The following USP33 variants were observed in gnomAD, a reference collection of about 807,000 sequenced individuals.
USP33 encodes the protein ubiquitin specific peptidase 33, also known as ubiquitin carboxyl-terminal hydrolase 33.
USP33 carries 46 observed loss-of-function variants against 124.2 expected under a neutral mutation model. That is an observed-to-expected ratio of 0.37 (90% CI 0.29 to 0.47). The LOEUF is 0.47. USP33 is among the 20% of genes least tolerant of loss of function. USP33 has a pLI of 0.99. For synonymous variants in USP33, 350 were observed against 352.3 expected, an observed-to-expected ratio of 0.99 and a Z score of 0.07; for missense variants, 851 against 1,070.6, an observed-to-expected ratio of 0.79 and a Z score of 2.86.
intron 1 of USP33, among the ~76,000 whole-genome samples, chr1:77,759,115 C>T (rs1159610836): frequency 6.6e-6 from 1 of 152,120 alleles, no homozygotes; most frequent in East Asian, 1.9e-4. Flanking sequence ...AAGGGGTAAC[C>T]TCTCAGTCAA....
At chr1:77,750,869 A>G (rs556133240) in intron 1 of USP33, among the ~76,000 whole-genome samples, 1 of 152,234 alleles carries the variant, frequency 6.6e-6, no homozygotes, top group South Asian at 2.1e-4. Flanking sequence ...ACAAATGTTT[A>G]TTGAGGGTAG....
intron 1 of USP33, among the ~76,000 whole-genome samples, chr1:77,757,714 A>G (rs998695983): frequency 6.6e-6 from 1 of 152,248 alleles, no homozygotes; most frequent in Non-Finnish European, 1.5e-5. Context: ...TCCAATCTTA[A>G]TCTATCTGAA....
chr1:77,706,748 A>G (rs140154943), intron 21 of USP33, among the ~76,000 whole-genome samples: 120 of 152,320 alleles, frequency 7.9e-4, no homozygotes, highest in Non-Finnish European at 1.4e-3. Flanking sequence ...TACACGATGT[A>G]GTATATGCTC....
chr1:77,725,760 A>G lies in USP33; in HGVS notation c.1138T>C (p.Tyr380His). Reference protein sequence around the residue: ...KVQIHSRASEYITDVHSNDLS... With the variant: ...KVQIHSRASEHITDVHSNDLS... ...TCATTCGAATGGACATCAGTGATAT[A>G]TTCTGTAAGATTTAAAATTTGCATT... The change falls in exon 11 of 24, where the codon TAT becomes CAT. Residue 380 changes from tyrosine (Y) to histidine (H), a missense_variant and splice_region_variant. By Grantham distance (83) the Tyr-to-His change is moderately conservative (BLOSUM62 2). Transcript: ENST00000370794. The G allele has an allele frequency of 6.2e-7, 1 of 1,605,760 alleles. No homozygotes were observed. The highest frequency in any genetic ancestry group is 8.5e-7 in the Non-Finnish European group (1 of 1,176,680).
chr1:77,729,252 G>A (rs1006025282), intron 9 of USP33, among the ~76,000 whole-genome samples: 1 of 151,846 alleles, frequency 6.6e-6, no homozygotes, highest in African/African-American at 2.4e-5. Flanking sequence ...ATCAACTTCC[G>A]CTGGATGCAG....
chr1:77,702,527 T>G (rs1440015214), intron 21 of USP33, among the ~76,000 whole-genome samples: 2 of 152,162 alleles, frequency 1.3e-5, no homozygotes, highest in Non-Finnish European at 2.9e-5. Context: ...TAAATTCTAA[T>G]AAGTGGTGGG....
chr1:77,735,081 C>T (rs1678281189), intron 6 of USP33, among the ~76,000 whole-genome samples: 1 of 151,790 alleles, frequency 6.6e-6, no homozygotes, highest in Non-Finnish European at 1.5e-5. Flanking sequence ...CGAGATTGCA[C>T]CACTGCACTC....
At chr1:77,743,913 G>A (rs906724803) in intron 1 of USP33, among the ~76,000 whole-genome samples, 12 of 152,024 alleles carry the variant, frequency 7.9e-5, no homozygotes, top group Admixed American at 7.9e-4. Context: ...GACGGATCAC[G>A]AGGTCAGGAG....
chr1:77,750,628 G>GAAACAAAC (rs202159259), intron 1 of USP33, among the ~76,000 whole-genome samples: 225 of 35,436 alleles, frequency 6.3e-3, no homozygotes, highest in African/African-American at 0.02. Flanking sequence ...ACTTAAAAAA[G>GAAACAAAC]AAAGAAAGAA....
At chr1:77,731,024 T>C (rs1677743178) in intron 7 of USP33, among the ~76,000 whole-genome samples, 2 of 152,208 alleles carry the variant, frequency 1.3e-5, no homozygotes, top group Non-Finnish European at 1.5e-5. Context: ...TCAGGACTAT[T>C]GTAATGCATT....
At chr1:77,697,716 G>GT in intron 23 of USP33, 147 bp downstream of exon 23, 1 of 960,940 alleles carries the variant, frequency 1.0e-6, no homozygotes. Context: ...TAAAAAAAAA[G>GT]TGGCTGCTTT....
rs761636846 is a variant in USP33 at position 77,739,420 on chromosome 1, A to G, written c.199-3T>C. The G allele has an allele frequency of 5.0e-6, 8 of 1,586,326 alleles. No individual in the cohort carries two copies. Among genetic ancestry groups the G allele is most frequent in the Middle Eastern group, 1.7e-4 (1 of 5,946 alleles). Reference sequence around the variant, plus strand: ...ACAGTTAGATAATGCTTTGTCTCCTATATAATTTCACAGTAGAGGGAAAAG... The same window carrying G: ...ACAGTTAGATAATGCTTTGTCTCCTGTATAATTTCACAGTAGAGGGAAAAG... On this transcript the variant is annotated splice_polypyrimidine_tract_variant and splice_region_variant and intron_variant, in intron 4 of 23. Transcript: ENST00000370794.
At chr1:77,721,363 C>T in intron 14 of USP33, 158 bp from the exon 15 acceptor site, 1 of 674,918 alleles carries the variant, frequency 1.5e-6, no homozygotes, top group East Asian at 2.7e-5. Flanking sequence ...TACTGTTTAC[C>T]TTCCCCTCCC....
At chr1:77,754,250 T>C (rs1235756143) in intron 1 of USP33, among the ~76,000 whole-genome samples, 4 of 152,192 alleles carry the variant, frequency 2.6e-5, no homozygotes, top group Non-Finnish European at 5.9e-5. Context: ...ACAGTTTCAA[T>C]CTAGACTATG....
At chr1:77,753,303 T>C (rs1680509239) in intron 1 of USP33, among the ~76,000 whole-genome samples, 1 of 149,972 alleles carries the variant, frequency 6.7e-6, no homozygotes, top group Non-Finnish European at 1.5e-5. Context: ...GAGTAACCAG[T>C]CTTGCTGGGT....
rs200686777 is a variant in USP33 at position 77,698,835 on chromosome 1, C to T, written c.2510-904G>A. 2.9e-4 allele frequency among the ~76,000 whole-genome samples: 44 copies of T among 152,164 alleles called. No homozygotes were observed. The Middle Eastern group carries it at 0.01, about 35-fold the overall frequency. On this transcript the variant is annotated intron_variant, in intron 22 of 23. Transcript: ENST00000370794. ...TTTTTAACTCTCCATTTGGGGATTA[C>T]AAGTCAAAATGTACCACTAATGCTA...
Position 77,722,076 on chromosome 1 carries a change from C to T in USP33, c.1510G>A (p.Glu504Lys), listed in dbSNP as rs1350717935. 5 of 1,614,032 alleles carry T rather than the reference C, an allele frequency of 3.1e-6. No individual in the cohort carries two copies. Among genetic ancestry groups the T allele is most frequent in the Admixed American group, 1.7e-5 (1 of 60,004 alleles). The change falls in exon 13 of 24, where the codon GAA becomes AAA. Residue 504 changes from glutamate (E) to lysine (K), a missense_variant. Glu to Lys is a moderately conservative substitution (Grantham distance 56, BLOSUM62 1). This residue lies in a region of USP33 where 281 missense variants were observed against 425.0 expected (regional missense o/e 0.66). Transcript: ENST00000370794. ...TSIVKAGSCG[E>K]AYAPQGWIAF... Reference sequence around the variant, plus strand: ...ATCCACCCTTGTGGAGCATATGCTTCGCCACATGATCCTGCTTTGACTATA... The same window carrying T: ...ATCCACCCTTGTGGAGCATATGCTTTGCCACATGATCCTGCTTTGACTATA...
At chr1:77,757,326 G>T (rs961749112) in intron 1 of USP33, among the ~76,000 whole-genome samples, 1 of 152,152 alleles carries the variant, frequency 6.6e-6, no homozygotes, top group Non-Finnish European at 1.5e-5. Flanking sequence ...GCCTTGTCCT[G>T]GTAGACTCAA....
At chr1:77,740,774 G>T in intron 4 of USP33, 103 bp downstream of exon 4, 1 of 800,420 alleles carries the variant, frequency 1.2e-6, no homozygotes, top group Non-Finnish European at 2.0e-6. Context: ...AACTTAGAGT[G>T]CAAATTTGAA....
Sources: allele counts gnomAD v4.1 joint callset (sites outside exome capture counted in the v4.1 genomes callset), GRCh38; gene constraint gnomAD v4.1.1; regional missense constraint gnomAD v4.1.1; transcripts MANE v1.5; gene names NCBI Gene and HGNC (gene_info 2026-07-23, HGNC 2026-07-21).